RYR3: variants seen among roughly 807,000 people sequenced by gnomAD.
RYR3 encodes the protein ryanodine receptor 3.
Under a neutral mutation model 584.3 loss-of-function variants are expected in RYR3, and 207 were observed. The observed-to-expected ratio is 0.35, with a 90% CI of 0.32 to 0.40. RYR3 has a LOEUF of 0.40. RYR3 is among the 10% of genes least tolerant of loss of function. The pLI, the probability that RYR3 is intolerant of heterozygous loss-of-function variation, is 1.00. For synonymous variants in RYR3, 2,416 were observed against 2,248.5 expected, an observed-to-expected ratio of 1.07 and a Z score of -2.11; for missense variants, 5,616 against 6,089.2, an observed-to-expected ratio of 0.92 and a Z score of 2.59.
intron 90 of RYR3, 145 bp from the exon 91 acceptor site, chr15:33,841,719 T>C: frequency 1.4e-6 from 1 of 712,902 alleles, no homozygotes; most frequent in Non-Finnish European, 2.3e-6. Flanking sequence ...CCACTGTGGA[T>C]TGATAAAGAC....
At chr15:33,748,399 A>C in intron 54 of RYR3, 69 bp from the exon 55 acceptor site, 2 of 1,554,148 alleles carry the variant, frequency 1.3e-6, no homozygotes, top group Non-Finnish European at 1.8e-6. Context: ...TTGACAGCTG[A>C]AGTTGGGGAT....
intron 69 of RYR3, among the ~76,000 whole-genome samples, chr15:33,803,157 A>T (rs927639873): frequency 6.6e-6 from 1 of 152,242 alleles, no homozygotes; most frequent in African/African-American, 2.4e-5. Context: ...ATTGACTGTT[A>T]GAGTTTATAG....
chr15:33,757,753 T>A, intron 60 of RYR3, 157 bp downstream of exon 60: 1 of 763,582 alleles, frequency 1.3e-6, no homozygotes, highest in South Asian at 1.8e-5. Flanking sequence ...TTCATACATA[T>A]CTGAATTATT....
At chr15:33,314,262 G>A (rs1231361016) in intron 1 of RYR3, among the ~76,000 whole-genome samples, 1 of 152,178 alleles carries the variant, frequency 6.6e-6, no homozygotes, top group East Asian at 1.9e-4. Context: ...CCCTCCCACT[G>A]CTGTTGGCAG....
intron 29 of RYR3, among the ~76,000 whole-genome samples, 154 bp from the exon 30 acceptor site, chr15:33,647,270 A>G (rs1300495976): frequency 6.6e-5 from 10 of 152,252 alleles, no homozygotes; most frequent in African/African-American, 1.9e-4. Flanking sequence ...TTGCAAATGA[A>G]TAAGTCCCAA....
At chr15:33,329,343 C>T (rs1970110977) in intron 1 of RYR3, among the ~76,000 whole-genome samples, 1 of 152,056 alleles carries the variant, frequency 6.6e-6, no homozygotes, top group Non-Finnish European at 1.5e-5. Flanking sequence ...AAGTCACTTA[C>T]CAAGGAACAT....
chr15:33,706,324 C>G (rs777347301), intron 42 of RYR3, among the ~76,000 whole-genome samples: 2 of 152,178 alleles, frequency 1.3e-5, no homozygotes, highest in Non-Finnish European at 2.9e-5. Context: ...CACCATCTAT[C>G]TCCATAACTC....
intron 1 of RYR3, among the ~76,000 whole-genome samples, chr15:33,401,645 A>G (rs965769023): frequency 6.6e-6 from 1 of 152,230 alleles, no homozygotes; most frequent in Non-Finnish European, 1.5e-5. Context: ...TGTCATATGG[A>G]AAAAGGATAT....
At chr15:33,322,050 G>C (rs1969039836) in intron 1 of RYR3, among the ~76,000 whole-genome samples, 1 of 152,172 alleles carries the variant, frequency 6.6e-6, no homozygotes, top group Non-Finnish European at 1.5e-5. Context: ...ACTTGAGACT[G>C]CCCTCAGAAA....
chr15:33,612,604 C>T (rs2060250655), intron 18 of RYR3, among the ~76,000 whole-genome samples: 1 of 152,210 alleles, frequency 6.6e-6, no homozygotes. Flanking sequence ...AGGTGATCCA[C>T]CTGCCTCAGC....
At chr15:33,826,932 C>G (rs1435345389) in intron 84 of RYR3, among the ~76,000 whole-genome samples, 180 bp downstream of exon 84, 1 of 152,198 alleles carries the variant, frequency 6.6e-6, no homozygotes, top group African/African-American at 2.4e-5. Context: ...CAAGGCTAAG[C>G]TGCTTCCAGA....
At chr15:33,755,711 C>T (rs551276974) in intron 58 of RYR3, among the ~76,000 whole-genome samples, 1 of 152,228 alleles carries the variant, frequency 6.6e-6, no homozygotes, top group African/African-American at 2.4e-5. Flanking sequence ...CCTATTTTAA[C>T]TTTCCTGTTG....
intron 10 of RYR3, among the ~76,000 whole-genome samples, chr15:33,560,355 G>A (rs887526495): frequency 2.0e-5 from 3 of 152,094 alleles, no homozygotes; most frequent in South Asian, 2.1e-4. Context: ...TTTGGAAGCC[G>A]ATGCTGTTTT....
At chr15:33,745,956 C>T (rs1409760900) in intron 52 of RYR3, 112 bp from the exon 53 acceptor site, 3 of 739,756 alleles carry the variant, frequency 4.1e-6, no homozygotes, top group Non-Finnish European at 7.2e-6. Flanking sequence ...ATTTCTAAGC[C>T]CTGTCACTAT....
In RYR3 at chr15:33,811,044, A is replaced by T; in HGVS notation, c.10257+7A>T. On this transcript the variant is annotated splice_region_variant and intron_variant, in intron 72 of 103. Coordinates refer to ENST00000634891, the MANE Select transcript of RYR3 (RefSeq NM_001036.6). Reference sequence around the variant, plus strand: ...CTTGCACTTGCAGGAAAAGGTGATGACTCAGGACAGCAGTGAGAACTCACA... The same window carrying T: ...CTTGCACTTGCAGGAAAAGGTGATGTCTCAGGACAGCAGTGAGAACTCACA... 1 of 1,605,042 alleles carries T rather than the reference A, an allele frequency of 6.2e-7. No individual in the cohort carries two copies. Among genetic ancestry groups the T allele is most frequent in the Non-Finnish European group, 8.5e-7 (1 of 1,175,816 alleles).
chr15:33,448,902 C>T (rs569796819), intron 1 of RYR3, among the ~76,000 whole-genome samples: 30 of 152,036 alleles, frequency 2.0e-4, no homozygotes, highest in East Asian at 9.7e-4. Context: ...GGGGAGAGAA[C>T]GTGGTCACTG....
rs543182555 is a variant in RYR3, at chr15:33,728,422, T to C, written c.7034-435T>C. 5.9e-5 allele frequency among the ~76,000 whole-genome samples: 9 copies of C among 152,356 alleles called. No homozygotes were observed. In the South Asian group the frequency reaches 1.9e-3, roughly 32 times the overall value. On this transcript the variant is annotated intron_variant, in intron 46 of 103. Transcript: ENST00000634891. The stretch of plus-strand genomic sequence containing the variant: ...ATCTACTTAATTGTAAATTCTAATT[T>C]TTAATAATGAGCATGTTTAACAACT...
At chr15:33,601,005 C>T (rs2059632128) in intron 16 of RYR3, among the ~76,000 whole-genome samples, 1 of 152,160 alleles carries the variant, frequency 6.6e-6, no homozygotes, top group African/African-American at 2.4e-5. Context: ...TCTGTGTTTT[C>T]AGAGCTCAGA....
chr15:33,562,800 C>T lies in RYR3; in HGVS notation c.973-37C>T, dbSNP rs200977957. The T allele has an allele frequency of 5.3e-5, 80 of 1,501,660 alleles. 1 individual carries two copies. The African/African-American group carries it at 9.5e-4, about 18-fold the overall frequency. The allele number at this position is 1,501,660 out of a possible 1,614,324, so 93.0% of individuals were successfully genotyped here. A position where few individuals can be genotyped will look rare whatever the true frequency, so the allele number is the denominator to read the frequency against. On this transcript the variant is annotated intron_variant, in intron 10 of 103. Coordinates refer to ENST00000634891, the MANE Select transcript of RYR3 (RefSeq NM_001036.6). ...TATATTGAGCTTCTAATTTAATCAGCTATGCCTATGTTTGTTTCTTTTTGT... is the reference window on the plus strand; with the variant it reads ...TATATTGAGCTTCTAATTTAATCAGTTATGCCTATGTTTGTTTCTTTTTGT...
Sources: gnomAD v4.1 joint callset for allele counts (sites outside exome capture counted in the v4.1 genomes callset) on GRCh38, gnomAD v4.1.1 for gene constraint, MANE v1.5 for transcripts, NCBI Gene and HGNC (gene_info 2026-07-23, HGNC 2026-07-21) for gene names.